The following PSD3 variants were observed in gnomAD, a reference collection of about 807,000 sequenced individuals.
The protein encoded by PSD3 is pleckstrin and Sec7 domain containing 3.
Under a neutral mutation model 105.5 loss-of-function variants are expected in PSD3, and 49 were observed. The observed-to-expected ratio is 0.46, with a 90% CI of 0.37 to 0.59. PSD3 has a LOEUF of 0.59. PSD3 is among the 20% of genes least tolerant of loss of function. The pLI is 0.00. For missense variants in PSD3, 1,561 were observed against 1,263.8 expected, an observed-to-expected ratio of 1.24 and a Z score of -3.57; for synonymous variants, 557 against 457.8, an observed-to-expected ratio of 1.22 and a Z score of -2.77.
At chr8:19,006,070 G>A (rs997262487) in intron 1 of PSD3, among the ~76,000 whole-genome samples, 3 of 151,720 alleles carry the variant, frequency 2.0e-5, no homozygotes, top group Non-Finnish European at 1.5e-5. Context: ...CGAGGCAGGC[G>A]AATCATGACG....
intron 1 of PSD3, among the ~76,000 whole-genome samples, chr8:19,068,766 A>C (rs1487844907): frequency 1.3e-5 from 2 of 152,112 alleles, no homozygotes; most frequent in Admixed American, 1.3e-4. Flanking sequence ...TTAATTAAAA[A>C]AAAAAAAAAG....
rs571177876 is a variant in PSD3, at chr8:19,070,926, T to G, written c.324+13280A>C. On this transcript the variant is annotated intron_variant, in intron 1 of 1. Coordinates refer to the PSD3 transcript ENST00000521475. ...CTTTAACTCTTTTCTTTAGTTAGGC[T>G]AGGCAGGCCTGGCTTAGTGTTTTAT... is the stretch of plus-strand genomic sequence containing the variant. 2.6e-5 allele frequency among the ~76,000 whole-genome samples: 4 copies of G among 152,340 alleles called. No homozygotes were observed. The East Asian group carries it at 7.7e-4, about 29-fold the overall frequency.
At chr8:18,739,293 A>G (rs17127143) in intron 9 of PSD3, among the ~76,000 whole-genome samples, 10,536 of 152,232 alleles carry the variant, frequency 0.069, 835 homozygotes, top group African/African-American at 0.2. Flanking sequence ...GAAGAAAAAG[A>G]GTAAGCTATT....
chr8:19,022,347 G>T (rs1827389541), intron 1 of PSD3, among the ~76,000 whole-genome samples: 2 of 152,258 alleles, frequency 1.3e-5, no homozygotes, highest in Admixed American at 1.3e-4. Context: ...GTACCCACTG[G>T]AACATTTCTT....
chr8:19,052,018 G>C (rs1009939806), intron 1 of PSD3, among the ~76,000 whole-genome samples: 1 of 152,152 alleles, frequency 6.6e-6, no homozygotes, highest in Non-Finnish European at 1.5e-5. Flanking sequence ...GAGGAAGGGG[G>C]CATTTGTGCC....
chr8:18,963,426 T>G (rs1824045314), intron 1 of PSD3, among the ~76,000 whole-genome samples: 1 of 152,230 alleles, frequency 6.6e-6, no homozygotes, highest in African/African-American at 2.4e-5. Context: ...TTCTGTGGAC[T>G]ATGGATTCCC....
chr8:18,804,623 C>A, intron 5 of PSD3, 21 bp from the exon 6 acceptor site: 1 of 1,610,994 alleles, frequency 6.2e-7, no homozygotes, highest in Non-Finnish European at 8.5e-7. Flanking sequence ...ACAGAATAGA[C>A]TTGGTTATTG....
At chr8:18,677,346 G>C (rs1165291743) in intron 9 of PSD3, among the ~76,000 whole-genome samples, 1 of 152,160 alleles carries the variant, frequency 6.6e-6, no homozygotes, top group Non-Finnish European at 1.5e-5. Flanking sequence ...TGGAGGCCAA[G>C]GAGTTCAGAT....
chr8:18,843,909 T>C (rs991057899), intron 4 of PSD3, among the ~76,000 whole-genome samples: 1 of 132,948 alleles, frequency 7.5e-6, no homozygotes, highest in Non-Finnish European at 1.6e-5. Flanking sequence ...CTTTATAAGA[T>C]AGACTATTTT....
Position 18,603,951 on chromosome 8 carries a change from T to A in PSD3, c.2411-3517A>T, listed in dbSNP as rs553966179. Among the ~76,000 whole-genome samples, 4 of 152,304 alleles carry A rather than the reference T, an allele frequency of 2.6e-5. No homozygotes were observed. The South Asian group carries it at 6.2e-4, about 24-fold the overall frequency. On this transcript the variant is annotated intron_variant, in intron 11 of 15. Coordinates refer to ENST00000327040, the MANE Select transcript of PSD3 (RefSeq NM_015310.4). ...TGCAGACCCGTGAGCCAATTAAACC[T>A]CTTTTCTTATAAATTACCCAGTCTC...
chr8:19,055,889 C>T (rs1473589149), intron 1 of PSD3, among the ~76,000 whole-genome samples: 1 of 152,228 alleles, frequency 6.6e-6, no homozygotes, highest in African/African-American at 2.4e-5. Context: ...TGCAATTCAA[C>T]ACTCAGCCTT....
chr8:19,084,490 G>A (rs1243189088), exon 1 of PSD3: 2 of 447,414 alleles, frequency 4.5e-6, no homozygotes, highest in Admixed American at 4.7e-5. Context: ...ACTGGCCAGT[G>A]CTTCCAGCCC....
At chr8:18,594,235 T>C in intron 12 of PSD3, among the ~76,000 whole-genome samples, 1 of 6,038 alleles carries the variant, frequency 1.7e-4, no homozygotes, top group Admixed American at 3.0e-3. Context: ...TTATATAATA[T>C]ATATTATTAT....
intron 2 of PSD3, among the ~76,000 whole-genome samples, chr8:18,925,316 G>A (rs954971131): frequency 6.6e-6 from 1 of 152,012 alleles, no homozygotes; most frequent in South Asian, 2.1e-4. Context: ...GCTCACTTGA[G>A]CCCAGGAGTT....
intron 2 of PSD3, among the ~76,000 whole-genome samples, chr8:18,906,369 C>T (rs1006897405): frequency 2.0e-5 from 3 of 152,208 alleles, no homozygotes; most frequent in Admixed American, 6.5e-5. Flanking sequence ...AAGATGTGGC[C>T]GTGTTTTTAA....
intron 8 of PSD3, among the ~76,000 whole-genome samples, chr8:18,793,510 G>A (rs969998033): frequency 6.6e-6 from 1 of 151,920 alleles, no homozygotes; most frequent in Non-Finnish European, 1.5e-5. Context: ...AAAGATCTTT[G>A]CAAATAATAA....
intron 1 of PSD3, among the ~76,000 whole-genome samples, chr8:18,944,634 C>G (rs1259330956): frequency 6.6e-6 from 1 of 151,782 alleles, no homozygotes; most frequent in Non-Finnish European, 1.5e-5. Context: ...TTTAAGTCAG[C>G]TTAAACTTTT....
intron 11 of PSD3, among the ~76,000 whole-genome samples, chr8:18,609,396 A>C (rs749781858): frequency 1.6e-4 from 24 of 152,246 alleles, no homozygotes. Context: ...AGCAATCCCA[A>C]TGATGGCATT....
chr8:18,686,540 A>G (rs548340631), intron 9 of PSD3, among the ~76,000 whole-genome samples: 1 of 152,230 alleles, frequency 6.6e-6, no homozygotes, highest in Admixed American at 6.5e-5. Context: ...AACTCCTACA[A>G]TGCTGCTAGC....
Sources: gnomAD v4.1 joint callset for allele counts (sites outside exome capture counted in the v4.1 genomes callset) on GRCh38, gnomAD v4.1.1 for gene constraint, MANE v1.5 for transcripts, NCBI Gene and HGNC (gene_info 2026-07-23, HGNC 2026-07-21) for gene names.